The following SYN2 variants were observed in gnomAD, a reference collection of about 807,000 sequenced individuals.
SYN2 encodes the protein synapsin-2.
SYN2 carries 19 observed loss-of-function variants against 50.9 expected under a neutral mutation model. That is an observed-to-expected ratio of 0.37 (90% CI 0.26 to 0.55). SYN2 has a LOEUF of 0.55. Among genes scored for constraint, SYN2 ranks in the 20% least tolerant of loss-of-function variants. SYN2 has a pLI of 0.81. For synonymous variants in SYN2, 255 were observed against 224.9 expected, an observed-to-expected ratio of 1.13 and a Z score of -1.20; for missense variants, 587 against 576.4, an observed-to-expected ratio of 1.02 and a Z score of -0.19.
At chr3:12,181,370 A>G (rs1240172979) in intron 10 of SYN2, among the ~76,000 whole-genome samples, 2 of 152,196 alleles carry the variant, frequency 1.3e-5, no homozygotes, top group Non-Finnish European at 2.9e-5. Flanking sequence ...TCCTTCACCT[A>G]AGTATCTGTC....
At chr3:12,054,010 A>G (rs1423208155) in intron 1 of SYN2, among the ~76,000 whole-genome samples, 1 of 152,186 alleles carries the variant, frequency 6.6e-6, no homozygotes, top group East Asian at 1.9e-4. Context: ...CAGGGCAGCA[A>G]GAATGATAGT....
chr3:12,065,357 A>G (rs1035161866), intron 1 of SYN2, among the ~76,000 whole-genome samples: 3 of 152,168 alleles, frequency 2.0e-5, no homozygotes, highest in Non-Finnish European at 2.9e-5. Flanking sequence ...TATTGGGTAT[A>G]TACTCAAAAG....
chr3:12,167,107 C>T, intron 7 of SYN2, 127 bp from the exon 8 acceptor site: 1 of 915,002 alleles, frequency 1.1e-6, no homozygotes, highest in Non-Finnish European at 1.7e-6. Flanking sequence ...GCAGACAGAC[C>T]CCTGGGCTAC....
chr3:12,016,582 C>T (rs1355123117), intron 1 of SYN2, among the ~76,000 whole-genome samples: 3 of 152,156 alleles, frequency 2.0e-5, no homozygotes, highest in South Asian at 2.1e-4. Context: ...GTAGGCCAGG[C>T]GTGGTGGCTC....
chr3:12,170,782 G>T (rs547908911), intron 10 of SYN2, among the ~76,000 whole-genome samples: 42 of 152,282 alleles, frequency 2.8e-4, no homozygotes, highest in Middle Eastern at 3.4e-3. Flanking sequence ...AATTCTCTCG[G>T]CTATCTTTCC....
At position 12,048,845 on chromosome 3, in the gene SYN2, C is replaced by T. The variant is rs139938090; in HGVS notation, c.377+43917C>T. ...AATCTAAGTTTGTCCAATTCTGGAC[C>T]CCTGCTGATAATCACTGTACTGGAA... On this transcript the variant is annotated intron_variant, in intron 1 of 12. Transcript: ENST00000621198. Among the ~76,000 whole-genome samples, 7 of 152,212 alleles carry T rather than the reference C, an allele frequency of 4.6e-5. 1 individual carries two copies. The highest frequency in any genetic ancestry group is 1.4e-4 in the African/African-American group (6 of 41,504).
At chr3:12,073,302 A>C (rs183366800) in intron 1 of SYN2, among the ~76,000 whole-genome samples, 18 of 152,336 alleles carry the variant, frequency 1.2e-4, no homozygotes, top group African/African-American at 4.1e-4. Context: ...TGAGTCACCC[A>C]GCGAGGTATA....
chr3:12,066,846 G>T (rs138100992), intron 1 of SYN2, among the ~76,000 whole-genome samples: 1 of 152,112 alleles, frequency 6.6e-6, no homozygotes, highest in Non-Finnish European at 1.5e-5. Flanking sequence ...ATGGCTGGGG[G>T]GGGCCTCAGG....
chr3:12,172,865 C>G (rs1697968094), intron 10 of SYN2, among the ~76,000 whole-genome samples: 1 of 152,214 alleles, frequency 6.6e-6, no homozygotes, highest in South Asian at 2.1e-4. Context: ...AAGCCAAATT[C>G]TTTACTATAC....
chr3:12,130,804 A>G (rs953718877), intron 1 of SYN2, among the ~76,000 whole-genome samples: 2 of 152,218 alleles, frequency 1.3e-5, no homozygotes, highest in Admixed American at 6.5e-5. Context: ...AAAGAGACAC[A>G]AATTAAAAAT....
chr3:12,093,619 C>T (rs1695873351), intron 1 of SYN2, among the ~76,000 whole-genome samples: 1 of 152,126 alleles, frequency 6.6e-6, no homozygotes, highest in South Asian at 2.1e-4. Context: ...AGTAACGATA[C>T]TTTGATGTGG....
intron 5 of SYN2, among the ~76,000 whole-genome samples, chr3:12,156,319 T>G (rs1487699032): frequency 6.6e-6 from 1 of 152,226 alleles, no homozygotes; most frequent in Non-Finnish European, 1.5e-5. Context: ...TTGCATTCAT[T>G]TATGGAGTCA....
At chr3:12,057,347 C>G (rs1680247) in intron 1 of SYN2, among the ~76,000 whole-genome samples, 1 of 142,934 alleles carries the variant, frequency 7.0e-6, no homozygotes, top group Non-Finnish European at 1.5e-5. Context: ...ATCTTTAAAT[C>G]CCTTATTTTT....
chr3:12,010,789 G>A (rs986025398), intron 1 of SYN2, among the ~76,000 whole-genome samples: 3 of 152,140 alleles, frequency 2.0e-5, no homozygotes, highest in African/African-American at 4.8e-5. Flanking sequence ...GTCAATAAAT[G>A]ACTAAACATT....
Position 12,113,597 on chromosome 3 carries a change from G to C in SYN2, c.378-27054G>C, listed in dbSNP as rs73139672. 7.4e-3 allele frequency among the ~76,000 whole-genome samples: 1,133 copies of C among 152,176 alleles called. 10 individuals carry two copies. Among genetic ancestry groups the C allele is most frequent in the African/African-American group, 0.026 (1,067 of 41,522 alleles). ...TCATCGCCCCAAAAGGAAACCCTGTGCCCATTCTTCATTTCCCTTTCCCTC... is the reference window on the plus strand; with the variant it reads ...TCATCGCCCCAAAAGGAAACCCTGTCCCCATTCTTCATTTCCCTTTCCCTC... On this transcript the variant is annotated intron_variant, in intron 1 of 12. Transcript: ENST00000621198.
intron 10 of SYN2, among the ~76,000 whole-genome samples, chr3:12,178,284 C>G (rs1698135683): frequency 6.6e-6 from 1 of 152,208 alleles, no homozygotes; most frequent in South Asian, 2.1e-4. Context: ...ACAGGCCTTC[C>G]TCCTTGGTTG....
chr3:12,191,333 T>C lies in SYN2; in HGVS notation c.*708T>C, dbSNP rs545141704. On this transcript the variant is annotated 3_prime_UTR_variant, in exon 13 of 13. Transcript: ENST00000621198. ...AGAATGCATGCCACTATGACAGCAG[T>C]ATGCCAAGCTTTGTGTTCATCTCCT... The C allele has an allele frequency of 2.1e-4, 54 of 253,046 alleles. No homozygotes were observed. The highest frequency in any genetic ancestry group is 1.2e-3 in the African/African-American group (51 of 43,374). The allele number at this position is 253,046 out of a possible 1,614,324, so 15.7% of individuals were successfully genotyped here. A position where few individuals can be genotyped will look rare whatever the true frequency, so the allele number is the denominator to read the frequency against.
chr3:12,165,031 G>A (rs1333689479), intron 7 of SYN2, among the ~76,000 whole-genome samples: 3 of 143,054 alleles, frequency 2.1e-5, no homozygotes, highest in African/African-American at 7.9e-5. Context: ...TCTGCCACCA[G>A]GCTGGAATGC....
intron 1 of SYN2, among the ~76,000 whole-genome samples, chr3:12,061,949 C>A (rs1033315598): frequency 1.4e-4 from 21 of 152,058 alleles, no homozygotes; most frequent in African/African-American, 5.1e-4. Flanking sequence ...GTCTTCCCAA[C>A]TTGATCTGTA....
Sources: allele counts gnomAD v4.1 joint callset (sites outside exome capture counted in the v4.1 genomes callset), GRCh38; gene constraint gnomAD v4.1.1; transcripts MANE v1.5; gene names NCBI Gene and HGNC (gene_info 2026-07-23, HGNC 2026-07-21).